The following RNF169 variants were observed in gnomAD, a reference collection of about 807,000 sequenced individuals.
RNF169 encodes the protein E3 ubiquitin-protein ligase RNF169.
In RNF169, 24 loss-of-function variants were observed where a neutral mutation model predicts 53.9. The observed-to-expected ratio is 0.45, with a 90% CI of 0.32 to 0.63. RNF169 has a LOEUF of 0.63. Ranked by LOEUF, RNF169 falls within the 20% of genes least tolerant of loss-of-function variation. RNF169 has a pLI of 0.04. For synonymous variants in RNF169, 396 were observed against 363.5 expected (o/e 1.09, Z -1.02); for missense variants, 883 against 906.2 (o/e 0.97, Z 0.33).
chr11:74,831,364 A>C (rs1307595742), intron 4 of RNF169: 2 of 152,238 alleles, frequency 1.3e-5, no homozygotes, highest in Non-Finnish European at 2.9e-5. Context: ...AACAACCCAA[A>C]AAGGTAACTA....
rs369692842 is a variant in RNF169 at position 74,835,808 on chromosome 11, T to C, written c.1205T>C (p.Leu402Pro). The C allele has an allele frequency of 1.2e-6, 2 of 1,614,090 alleles. No homozygotes were observed. Among genetic ancestry groups the C allele is most frequent in the African/African-American group, 2.7e-5 (2 of 74,926 alleles). Residue 402 changes from leucine to proline, a missense_variant, in exon 6 of 6, where the codon CTA (leucine) becomes CCA (proline). By Grantham distance (98) the Leu-to-Pro change is moderately conservative. Coordinates refer to ENST00000299563, the MANE Select transcript of RNF169 (RefSeq NM_001098638.2). ...PPKRLPDGRVLSPLIIKSTPR... is the reference protein window; with the variant it reads ...PPKRLPDGRVPSPLIIKSTPR... ...AAGAGACTCCCTGATGGCCGTGTGCTAAGTCCTCTCATCATCAAATCAACT... is the reference window on the plus strand; with the variant it reads ...AAGAGACTCCCTGATGGCCGTGTGCCAAGTCCTCTCATCATCAAATCAACT...
chr11:74,770,227 A>T (rs959407604), intron 1 of RNF169, among the ~76,000 whole-genome samples: 2 of 152,264 alleles, frequency 1.3e-5, no homozygotes, highest in Non-Finnish European at 2.9e-5. Context: ...TGGAGAGCCC[A>T]TTCCTGGGCC....
At chr11:74,834,524 T>G (rs1212596766) in intron 4 of RNF169, 152 bp from the exon 5 acceptor site, 1 of 542,942 alleles carries the variant, frequency 1.8e-6, no homozygotes, top group Non-Finnish European at 3.2e-6. Context: ...AGAATGTATT[T>G]TGTTAATAAA....
chr11:74,803,922 A>T (rs1230524065), intron 2 of RNF169, among the ~76,000 whole-genome samples: 1 of 152,256 alleles, frequency 6.6e-6, no homozygotes, highest in Non-Finnish European at 1.5e-5. Context: ...ATTTAAGAAT[A>T]CAGTGAGAGA....
chr11:74,772,412 C>T (rs2035272721), intron 1 of RNF169, among the ~76,000 whole-genome samples: 1 of 151,528 alleles, frequency 6.6e-6, no homozygotes, highest in African/African-American at 2.4e-5. Flanking sequence ...GTGGAAACCC[C>T]TAGCACAGTA....
intron 4 of RNF169, chr11:74,831,338 C>G (rs2036174893): frequency 6.6e-6 from 1 of 152,166 alleles, no homozygotes; most frequent in Admixed American, 6.5e-5. Context: ...AGTTGCATTT[C>G]TATACACTAG....
intron 1 of RNF169, among the ~76,000 whole-genome samples, chr11:74,750,845 G>T (rs975210877): frequency 7.2e-6 from 1 of 139,038 alleles, no homozygotes; most frequent in African/African-American, 2.7e-5. Context: ...CTTGTGATCC[G>T]CCCGCCTTGG....
chr11:74,768,073 C>T (rs1198173150), intron 1 of RNF169, among the ~76,000 whole-genome samples: 1 of 152,118 alleles, frequency 6.6e-6, no homozygotes, highest in Non-Finnish European at 1.5e-5. Flanking sequence ...GGTGGATTTG[C>T]TTTCTCAAAT....
chr11:74,759,948 T>C (rs2035053806), intron 1 of RNF169, among the ~76,000 whole-genome samples: 1 of 150,676 alleles, frequency 6.6e-6, no homozygotes, highest in Non-Finnish European at 1.5e-5. Context: ...CCTGGACTCT[T>C]TTTGGTTGGT....
rs1473791183 is a variant in RNF169, at chr11:74,798,767, TTC to T, written c.576+9074_576+9075del. Among the ~76,000 whole-genome samples the T allele has an allele frequency of 7.9e-5, 12 of 152,302 alleles. No homozygotes were observed. In the East Asian group the frequency reaches 2.1e-3, roughly 27 times the overall value. On this transcript the variant is annotated intron_variant, in intron 2 of 5. Coordinates refer to ENST00000299563, the MANE Select transcript of RNF169 (RefSeq NM_001098638.2). The stretch of plus-strand genomic sequence containing the variant: ...TCCCCTGGATGCCCATCTTTAAAAT[TTC>T]TCTCTTTTGTACTCTGTCCCTTTAT...
intron 2 of RNF169, among the ~76,000 whole-genome samples, chr11:74,800,627 A>G (rs932043637): frequency 2.0e-5 from 3 of 152,224 alleles, no homozygotes; most frequent in Non-Finnish European, 2.9e-5. Context: ...GGAATTCTAA[A>G]AAATCTAGCA....
intron 1 of RNF169, among the ~76,000 whole-genome samples, chr11:74,761,276 C>T (rs61897012): frequency 0.054 from 7,943 of 146,394 alleles, 321 homozygotes; most frequent in Non-Finnish European, 0.083. Flanking sequence ...ACTTGCCAGT[C>T]TGTGTCTTTT....
intron 1 of RNF169, among the ~76,000 whole-genome samples, chr11:74,788,382 C>T (rs539669218): frequency 4.6e-5 from 7 of 151,956 alleles, no homozygotes; most frequent in East Asian, 1.9e-4. Flanking sequence ...TTGGTCTGCC[C>T]GATCCATTTT....
intron 3 of RNF169, among the ~76,000 whole-genome samples, chr11:74,810,704 ACTTTC>A (rs2135117968): frequency 6.6e-6 from 1 of 152,290 alleles, no homozygotes; most frequent in East Asian, 1.9e-4. Context: ...CATGTATTTT[ACTTTC>A]CTTTATTTGT....
chr11:74,748,933 C>T lies in RNF169; in HGVS notation c.53C>T (p.Ala18Val), dbSNP rs1223958082. ...GCCTCTTCCGCGGCGGCAGCAGCCG[C>T]TCTGAGTCGGCGGGGCCGGCGGGGC... The part of the protein sequence containing the change: ...TRASSAAAAA[A>V]LSRRGRRGRC... Residue 18 changes from alanine (A) to valine (V), a missense_variant, in exon 1 of 6, where the codon GCT becomes GTT. Ala to Val is a moderately conservative substitution (Grantham distance 64). Around this residue, in one of 3 missense-constraint regions of RNF169, gnomAD observed 313 missense variants for 279.9 expected, o/e 1.12. Coordinates refer to ENST00000299563, the MANE Select transcript of RNF169 (RefSeq NM_001098638.2). 6.8e-7 allele frequency: 1 copy of T among 1,468,330 alleles called. No individual in the cohort carries two copies. The highest frequency in any genetic ancestry group is 9.1e-7 in the Non-Finnish European group (1 of 1,100,006). The allele number at this position is 1,468,330 out of a possible 1,614,324, so 91.0% of individuals were successfully genotyped here.
At chr11:74,830,746 G>A (rs1394526232) in intron 4 of RNF169, 2 of 151,922 alleles carry the variant, frequency 1.3e-5, no homozygotes. Flanking sequence ...AGATCTCTTC[G>A]GAATATAGAT....
chr11:74,781,658 C>G (rs576819063), intron 1 of RNF169, among the ~76,000 whole-genome samples: 1 of 152,100 alleles, frequency 6.6e-6, no homozygotes, highest in Non-Finnish European at 1.5e-5. Context: ...GTGTTTTGTT[C>G]TTAGTTTTTA....
chr11:74,788,724 T>G (rs1228831576), intron 1 of RNF169, among the ~76,000 whole-genome samples: 1 of 152,144 alleles, frequency 6.6e-6, no homozygotes, highest in African/African-American at 2.4e-5. Flanking sequence ...GTTAAAAAAT[T>G]TCTTACATTA....
intron 1 of RNF169, among the ~76,000 whole-genome samples, chr11:74,751,860 A>G (rs1365409083): frequency 6.6e-6 from 1 of 152,348 alleles, no homozygotes; most frequent in East Asian, 1.9e-4. Context: ...GTAGTTATAT[A>G]CAGTATTTTT....
Sources: gnomAD v4.1 joint callset for allele counts (sites outside exome capture counted in the v4.1 genomes callset) on GRCh38, gnomAD v4.1.1 for gene constraint, gnomAD v4.1.1 regional missense constraint, MANE v1.5 for transcripts, NCBI Gene and HGNC (gene_info 2026-07-23, HGNC 2026-07-21) for gene names.